Variants in SCLT1 observed in about 807,000 individuals in gnomAD.
SCLT1 encodes the protein sodium channel-associated protein 1.
A neutral mutation model predicts 112.8 loss-of-function variants in SCLT1; 78 were observed. That is an observed-to-expected ratio of 0.69 (90% CI 0.58 to 0.83). The LOEUF is 0.83. Among genes scored for constraint, SCLT1 ranks in the 40% least tolerant of loss-of-function variants. SCLT1 has a pLI of 0.00. For synonymous variants in SCLT1, 257 were observed against 254.7 expected (o/e 1.01, Z -0.09); for missense variants, 747 against 770.4 (o/e 0.97, Z 0.36).
intron 13 of SCLT1, among the ~76,000 whole-genome samples, chr4:128,953,715 C>T (rs1360413381): frequency 6.7e-6 from 1 of 150,270 alleles, no homozygotes; most frequent in African/African-American, 2.4e-5. Flanking sequence ...AGGAGAATGG[C>T]GTGAACCTGG....
At chr4:128,965,358 G>T in intron 10 of SCLT1, 40 bp from the exon 11 acceptor site, 3 of 1,292,140 alleles carry the variant, frequency 2.3e-6, no homozygotes, top group South Asian at 1.2e-5. Context: ...TTGAGTATGT[G>T]AAAATTCAAT....
At chr4:128,898,822 T>TA (rs1161842896) in intron 18 of SCLT1, among the ~76,000 whole-genome samples, 1 of 151,916 alleles carries the variant, frequency 6.6e-6, no homozygotes, top group East Asian at 1.9e-4. Flanking sequence ...ATAGACGCAA[T>TA]AAAAAATGAT....
At position 129,057,479 on chromosome 4, in the gene SCLT1, C is replaced by A. The variant is rs539327451; in HGVS notation, c.103-13428G>T. On this transcript the variant is annotated intron_variant, in intron 2 of 20. Transcript: ENST00000281142. ...AGGACTACAGGCGTGCGCCATCATG[C>A]CCAGCTAATAAGAATTAATATTATT... is the stretch of plus-strand genomic sequence containing the variant. 3.0e-3 allele frequency among the ~76,000 whole-genome samples: 447 copies of A among 149,314 alleles called. 2 individuals carry two copies. The highest frequency in any genetic ancestry group is 0.01 in the African/African-American group (427 of 40,748).
chr4:128,926,095 T>C (rs1416987631), intron 18 of SCLT1, among the ~76,000 whole-genome samples: 2 of 152,064 alleles, frequency 1.3e-5, no homozygotes, highest in East Asian at 3.8e-4. Context: ...TTTGTTTTTC[T>C]TTTTTTCTGG....
At chr4:128,942,357 TA>T (rs35700604) in intron 17 of SCLT1, among the ~76,000 whole-genome samples, 29,513 of 151,984 alleles carry the variant, frequency 0.19, 3,079 homozygotes, top group Middle Eastern at 0.3. Context: ...ATATTTATCA[TA>T]AAAAGTTAGT....
At chr4:129,071,244 G>A (rs775187990) in intron 2 of SCLT1, among the ~76,000 whole-genome samples, 2 of 152,106 alleles carry the variant, frequency 1.3e-5, no homozygotes, top group Non-Finnish European at 2.9e-5. Flanking sequence ...AACAGAATGT[G>A]TATTCTGTGG....
At chr4:129,022,380 AG>A (rs1419785620) in intron 5 of SCLT1, among the ~76,000 whole-genome samples, 2 of 152,256 alleles carry the variant, frequency 1.3e-5, no homozygotes, top group Non-Finnish European at 2.9e-5. Flanking sequence ...ACCCAATGCA[AG>A]GAAGCTAGGA....
chr4:128,898,027 T>C (rs909676671), intron 18 of SCLT1, among the ~76,000 whole-genome samples: 28 of 152,210 alleles, frequency 1.8e-4, no homozygotes, highest in Admixed American at 9.2e-4. Context: ...ATAAAGCAAG[T>C]CCTTAGAGAC....
intron 15 of SCLT1, among the ~76,000 whole-genome samples, chr4:128,947,128 C>A (rs1738236745): frequency 6.6e-6 from 1 of 152,170 alleles, no homozygotes; most frequent in African/African-American, 2.4e-5. Context: ...AAGCTGCAGA[C>A]CCAGCAGTAC....
intron 6 of SCLT1, among the ~76,000 whole-genome samples, chr4:129,001,446 T>C (rs561805008): frequency 6.6e-6 from 1 of 152,130 alleles, no homozygotes; most frequent in Non-Finnish European, 1.5e-5. Context: ...TTGGACAAAC[T>C]ACAATTTAAC....
At chr4:129,087,017 T>C (rs1752451741) in intron 1 of SCLT1, among the ~76,000 whole-genome samples, 2 of 152,038 alleles carry the variant, frequency 1.3e-5, no homozygotes, top group South Asian at 4.1e-4. Flanking sequence ...AAGAAACAAA[T>C]GAGGTAAGCC....
At chr4:129,014,712 G>C (rs899663532) in intron 5 of SCLT1, among the ~76,000 whole-genome samples, 1 of 152,214 alleles carries the variant, frequency 6.6e-6, no homozygotes, top group Non-Finnish European at 1.5e-5. Flanking sequence ...TGGACCACTG[G>C]TCACTACATT....
intron 12 of SCLT1, 117 bp downstream of exon 12, chr4:128,959,483 A>G (rs959727012): frequency 5.7e-6 from 4 of 706,880 alleles, no homozygotes; most frequent in Non-Finnish European, 9.7e-6. Flanking sequence ...TAATGAAAAG[A>G]GTAGCAATTT....
At chr4:129,062,409 G>A (rs1042682810) in intron 2 of SCLT1, among the ~76,000 whole-genome samples, 1 of 152,008 alleles carries the variant, frequency 6.6e-6, no homozygotes, top group Non-Finnish European at 1.5e-5. Context: ...TTTAACCTTT[G>A]TAGAAGAGGT....
chr4:129,086,649 G>A (rs1328567414), intron 1 of SCLT1, among the ~76,000 whole-genome samples: 1 of 152,062 alleles, frequency 6.6e-6, no homozygotes, highest in African/African-American at 2.4e-5. Context: ...GTGTTACTGG[G>A]CATCAGCTAT....
At chr4:129,032,334 T>A (rs911191515) in intron 5 of SCLT1, among the ~76,000 whole-genome samples, 4 of 152,000 alleles carry the variant, frequency 2.6e-5, no homozygotes, top group African/African-American at 7.2e-5. Flanking sequence ...ATACAAAAAT[T>A]AACTCAAAAT....
intron 9 of SCLT1, among the ~76,000 whole-genome samples, chr4:128,979,695 T>A (rs1205731273): frequency 6.6e-6 from 1 of 152,196 alleles, no homozygotes; most frequent in Non-Finnish European, 1.5e-5. Flanking sequence ...ACCACATTTT[T>A]AAAGACAGGT....
chr4:129,006,429 T>C (rs1459905089), intron 5 of SCLT1, among the ~76,000 whole-genome samples: 1 of 151,236 alleles, frequency 6.6e-6, no homozygotes, highest in Non-Finnish European at 1.5e-5. Flanking sequence ...TCCCAGCTAC[T>C]CAGGAGGCTG....
intron 19 of SCLT1, 59 bp downstream of exon 19, chr4:128,891,000 C>T: frequency 1.6e-6 from 2 of 1,227,808 alleles, no homozygotes; most frequent in Non-Finnish European, 2.4e-6. Context: ...AGGTAAAATT[C>T]TATAACATGT....
Sources: allele counts gnomAD v4.1 joint callset (sites outside exome capture counted in the v4.1 genomes callset), GRCh38; gene constraint gnomAD v4.1.1; transcripts MANE v1.5; gene names NCBI Gene and HGNC (gene_info 2026-07-23, HGNC 2026-07-21).